Variants in IL4R observed in about 807,000 individuals in gnomAD.
IL4R encodes the protein interleukin 4 receptor.
A neutral mutation model predicts 41.5 loss-of-function variants in IL4R; 17 were observed. The observed-to-expected ratio is 0.41, with a 90% CI of 0.28 to 0.61. The LOEUF is 0.61. Among genes scored for constraint, IL4R ranks in the 20% least tolerant of loss-of-function variants. IL4R has a pLI of 0.31. For synonymous variants in IL4R, 402 were observed against 422.9 expected (o/e 0.95, Z 0.61); for missense variants, 974 against 1,043.1 (o/e 0.93, Z 0.91).
At chr16:27,360,649 C>G (rs1299998658) in intron 9 of IL4R, 117 bp from the exon 10 acceptor site, 1 of 1,191,504 alleles carries the variant, frequency 8.4e-7, no homozygotes. Context: ...CGTAAGTGAC[C>G]TGTTGGACTT....
intron 1 of IL4R, 101 bp downstream of exon 1, chr16:27,314,121 G>T: frequency 1.0e-6 from 1 of 984,130 alleles, no homozygotes; most frequent in Non-Finnish European, 1.2e-6. Context: ...CGGGGACCAC[G>T]GGGACCACCC....
In IL4R at chr16:27,320,175, G is replaced by A. The variant is rs555236412; in HGVS notation, c.-152+6155G>A. On this transcript the variant is annotated intron_variant, in intron 1 of 10. Coordinates refer to ENST00000395762, the MANE Select transcript of IL4R (RefSeq NM_000418.4). Reference sequence around the variant, plus strand: ...AGCCACTGCACGCGGCCCTGGGTGCGTGCTTCTTATGAGACTCTAATGCCT... The same window carrying A: ...AGCCACTGCACGCGGCCCTGGGTGCATGCTTCTTATGAGACTCTAATGCCT... 4.4e-4 allele frequency among the ~76,000 whole-genome samples: 67 copies of A among 152,210 alleles called. No homozygotes were observed. In the South Asian group the frequency reaches 0.012, roughly 28 times the overall value.
At chr16:27,332,641 TTTC>T (rs1389203432) in intron 2 of IL4R, among the ~76,000 whole-genome samples, 1 of 152,062 alleles carries the variant, frequency 6.6e-6, no homozygotes, top group East Asian at 1.9e-4. Flanking sequence ...TTTCATTGAT[TTTC>T]CTCGATTAAT....
chr16:27,320,785 C>A (rs1322554688), intron 1 of IL4R, among the ~76,000 whole-genome samples: 1 of 152,144 alleles, frequency 6.6e-6, no homozygotes, highest in African/African-American at 2.4e-5. Context: ...GGAGGAGAGG[C>A]ACCAGCTCTC....
chr16:27,326,128 C>T lies in IL4R; in HGVS notation c.-151-3938C>T, dbSNP rs2084950348. On this transcript the variant is annotated intron_variant, in intron 1 of 10. Transcript: ENST00000395762. ...CTCTCTGGGGCCAGTGTGGTAGCCT[C>T]CTCACTGCTACCCACTTCTACCCGT... 2.0e-5 allele frequency among the ~76,000 whole-genome samples: 3 copies of T among 152,114 alleles called. No homozygotes were observed. The South Asian group carries it at 6.2e-4, about 32-fold the overall frequency.
At chr16:27,335,943 G>A (rs1018213171) in intron 2 of IL4R, among the ~76,000 whole-genome samples, 1 of 152,064 alleles carries the variant, frequency 6.6e-6, no homozygotes, top group Non-Finnish European at 1.5e-5. Flanking sequence ...TCCTGATTTC[G>A]ATGGTTGTAT....
intron 3 of IL4R, among the ~76,000 whole-genome samples, chr16:27,341,830 C>T (rs2085451074): frequency 6.6e-6 from 1 of 152,194 alleles, no homozygotes; most frequent in Non-Finnish European, 1.5e-5. Flanking sequence ...CATATTTTCC[C>T]TTTAATTTGG....
At chr16:27,353,369 C>T (rs1034850719) in intron 7 of IL4R, among the ~76,000 whole-genome samples, 1 of 151,704 alleles carries the variant, frequency 6.6e-6, no homozygotes, top group Non-Finnish European at 1.5e-5. Context: ...AATAGAACTA[C>T]AGAGGAAACT....
intron 2 of IL4R, among the ~76,000 whole-genome samples, chr16:27,339,091 G>A (rs2085353126): frequency 6.6e-6 from 1 of 152,030 alleles, no homozygotes; most frequent in Non-Finnish European, 1.5e-5. Context: ...CTGACCTCAG[G>A]TGATCCACCC....
chr16:27,348,675 C>T (rs1197382495), intron 6 of IL4R, among the ~76,000 whole-genome samples: 1 of 152,190 alleles, frequency 6.6e-6, no homozygotes, highest in Admixed American at 6.5e-5. Flanking sequence ...GGCTTCGATG[C>T]TGTGCCAGCC....
rs758651293 is a variant in IL4R at position 27,342,185 on chromosome 16, G to A, written c.135G>A (p.Glu45=). 1.2e-6 allele frequency: 2 copies of A among 1,614,236 alleles called. No individual in the cohort carries two copies. Among genetic ancestry groups the A allele is most frequent in the Non-Finnish European group, 1.7e-6 (2 of 1,180,046 alleles). Residue 45 remains glutamate, a synonymous_variant, in exon 4 of 11, where the codon GAG becomes GAA. Coordinates refer to ENST00000395762, the MANE Select transcript of IL4R (RefSeq NM_000418.4). ...ACTACATGAGCATCTCTACTTGCGA[G>A]TGGAAGATGAATGGTCCCACCAATT... ...VSDYMSISTC[E]WKMNGPTNCS...
At chr16:27,318,264 A>C (rs1396746367) in intron 1 of IL4R, among the ~76,000 whole-genome samples, 1 of 152,146 alleles carries the variant, frequency 6.6e-6, no homozygotes, top group Non-Finnish European at 1.5e-5. Context: ...TATTTTATAC[A>C]AGGTGACCTT....
At chr16:27,344,195 C>G (rs558111793) in intron 4 of IL4R, among the ~76,000 whole-genome samples, 1 of 151,994 alleles carries the variant, frequency 6.6e-6, no homozygotes, top group East Asian at 1.9e-4. Flanking sequence ...ATCCCAGCTA[C>G]TAGGGAGGCT....
intron 2 of IL4R, among the ~76,000 whole-genome samples, chr16:27,338,710 G>T (rs1196074203): frequency 6.6e-6 from 1 of 152,052 alleles, no homozygotes; most frequent in African/African-American, 2.4e-5. Flanking sequence ...GCTGAAGGAA[G>T]TGTGTTTGCC....
chr16:27,324,569 G>A (rs2084901474), intron 1 of IL4R, among the ~76,000 whole-genome samples: 2 of 152,214 alleles, frequency 1.3e-5, no homozygotes, highest in Admixed American at 6.5e-5. Context: ...CATAAGGCCC[G>A]AGTGTGCAAT....
rs1369761659 is a variant in IL4R, at chr16:27,353,407, AT to A, written c.670+714del. On this transcript the variant is annotated intron_variant, in intron 7 of 10. Coordinates refer to ENST00000395762, the MANE Select transcript of IL4R (RefSeq NM_000418.4). ...TTGTATTGAAATGCAGTTATAAAACATTTAAACACATTTTTAATCTAGAGAT... is the reference window on the plus strand; with the variant it reads ...TTGTATTGAAATGCAGTTATAAAACATTAAACACATTTTTAATCTAGAGAT... Among the ~76,000 whole-genome samples, 67 of 152,272 alleles carry A rather than the reference AT, an allele frequency of 4.4e-4. 1 individual carries two copies. Among genetic ancestry groups the A allele is most frequent in the Admixed American group, 6.5e-5 (1 of 15,288 alleles).
chr16:27,336,032 T>C (rs992317651), intron 2 of IL4R, among the ~76,000 whole-genome samples: 2 of 152,174 alleles, frequency 1.3e-5, no homozygotes, highest in African/African-American at 2.4e-5. Context: ...TATGGAGATA[T>C]GTGAGTGTGT....
At chr16:27,340,052 G>C (rs1196614246) in intron 2 of IL4R, 134 bp from the exon 3 acceptor site, 2 of 634,426 alleles carry the variant, frequency 3.2e-6, no homozygotes, top group East Asian at 5.7e-5. Flanking sequence ...GCGAGACTCT[G>C]TCTCGGAAAA....
At position 27,362,779 on chromosome 16, in the gene IL4R, C is replaced by A; in HGVS notation, c.1427C>A (p.Thr476Asn). The part of the protein sequence containing the change: ...HLEPSPPASP[T>N]QSPDNLTCTE... ...GAGCCAAGTCCTCCTGCCAGCCCGACCCAGAGTCCAGACAACCTGACTTGC... is the reference window on the plus strand; with the variant it reads ...GAGCCAAGTCCTCCTGCCAGCCCGAACCAGAGTCCAGACAACCTGACTTGC... Residue 476 changes from threonine (T) to asparagine (N), a missense_variant, in exon 11 of 11, where the codon ACC becomes AAC. By Grantham distance (65) the Thr-to-Asn change is moderately conservative (BLOSUM62 0). Transcript: ENST00000395762. The A allele has an allele frequency of 1.2e-6, 2 of 1,614,168 alleles. No homozygotes were observed. Among genetic ancestry groups the A allele is most frequent in the South Asian group, 2.2e-5 (2 of 91,090 alleles).
Sources: allele counts gnomAD v4.1 joint callset (sites outside exome capture counted in the v4.1 genomes callset), GRCh38; gene constraint gnomAD v4.1.1; transcripts MANE v1.5; gene names NCBI Gene and HGNC (gene_info 2026-07-23, HGNC 2026-07-21).